SCN10A: variants seen among roughly 807,000 people sequenced by gnomAD.
SCN10A encodes the protein sodium voltage-gated channel alpha subunit 10.
Under a neutral mutation model 170.7 loss-of-function variants are expected in SCN10A, and 162 were observed. That is an observed-to-expected ratio of 0.95 (90% confidence interval 0.84 to 1.08). The LOEUF (loss-of-function observed/expected upper bound fraction) is 1.08. Ranked by LOEUF, SCN10A falls within the 50% of genes least tolerant of loss-of-function variation. The probability of loss-of-function intolerance (pLI) is 0.00; values close to 1 mark genes in which losing one functional copy is unlikely to be tolerated. For missense variants in SCN10A, 2,527 were observed against 2,436.9 expected, an observed-to-expected ratio of 1.04 and a Z score of -0.78; for synonymous variants, 985 against 904.6, an observed-to-expected ratio of 1.09 and a Z score of -1.59.
intron 23 of SCN10A, 98 bp downstream of exon 23, chr3:38,712,063 C>T: frequency 8.1e-7 from 1 of 1,241,506 alleles, no homozygotes. Context: ...AGTGCTACTC[C>T]TTGCAAAGTC....
At chr3:38,761,095 T>A in intron 7 of SCN10A, 97 bp downstream of exon 7, 1 of 1,003,258 alleles carries the variant, frequency 1.0e-6, no homozygotes. Context: ...TCAAAATATA[T>A]GTCTATACAC....
rs770210577 is a variant in SCN10A, at chr3:38,697,803, G to A, written c.5417C>T (p.Ala1806Val). Reference protein sequence around the residue: ...DKIHCLDILFAFTKNVLGESG... With the variant: ...DKIHCLDILFVFTKNVLGESG... ...TTCTCCTAGGACATTCTTGGTGAAA[G>A]CAAAAAGGATGTCCAAGCAGTGGAT... The change falls in exon 28 of 28, where the codon GCT (alanine) becomes GTT (valine). Residue 1806 changes from alanine to valine, a missense_variant. Ala to Val is a moderately conservative substitution (Grantham distance 64, BLOSUM62 0). Transcript: ENST00000449082. 8.1e-6 allele frequency: 13 copies of A among 1,614,022 alleles called. No individual in the cohort carries two copies. The highest frequency in any genetic ancestry group is 1.0e-5 in the Non-Finnish European group (12 of 1,180,030).
chr3:38,796,645 C>A (rs2064343174), intron 1 of SCN10A, among the ~76,000 whole-genome samples: 3 of 152,156 alleles, frequency 2.0e-5, no homozygotes, highest in Middle Eastern at 3.4e-3. Flanking sequence ...TTCCATATTC[C>A]CCTTCCTTTG....
At chr3:38,724,265 T>G (rs551724326) in intron 18 of SCN10A, among the ~76,000 whole-genome samples, 1 of 152,166 alleles carries the variant, frequency 6.6e-6, no homozygotes, top group African/African-American at 2.4e-5. Flanking sequence ...GTAGCTGACA[T>G]TCTTCAAGCT....
In SCN10A at chr3:38,698,512, T is replaced by C. The variant is rs1488286758; in HGVS notation, c.4708A>G (p.Thr1570Ala). 1.7e-5 allele frequency: 28 copies of C among 1,614,046 alleles called. No homozygotes were observed. Among genetic ancestry groups the C allele is most frequent in the East Asian group, 2.2e-5 (1 of 44,876 alleles). ...LKSLQSYFSP[T>A]LFRVIRLARI... ...GCCAGGCGGATGACTCTGAAGAGCG[T>C]TGGGGAGAAGTAACTTTGAAGTGAC... The change falls in exon 28 of 28, where the codon ACG becomes GCG. Residue 1570 changes from threonine to alanine, a missense_variant. By Grantham distance (58) the Thr-to-Ala change is moderately conservative. Transcript: ENST00000449082.
intron 15 of SCN10A, among the ~76,000 whole-genome samples, chr3:38,737,810 T>TTCTTTC (rs1553618393): frequency 8.3e-6 from 1 of 120,026 alleles, no homozygotes; most frequent in Non-Finnish European, 1.6e-5. Flanking sequence ...CTTTCTTTCT[T>TTCTTTC]TCTTTCTTTC....
chr3:38,790,437 A>C (rs2064266223), intron 3 of SCN10A, among the ~76,000 whole-genome samples: 1 of 151,904 alleles, frequency 6.6e-6, no homozygotes, highest in Non-Finnish European at 1.5e-5. Flanking sequence ...CAAGATGAAG[A>C]GAATATTCAC....
At chr3:38,754,474 G>A (rs927548247) in intron 11 of SCN10A, among the ~76,000 whole-genome samples, 6 of 152,190 alleles carry the variant, frequency 3.9e-5, no homozygotes, top group Non-Finnish European at 1.5e-5. Flanking sequence ...AAGCATCACT[G>A]GAGAGACAAG....
intron 15 of SCN10A, among the ~76,000 whole-genome samples, chr3:38,734,889 G>A (rs1179847318): frequency 1.3e-5 from 2 of 152,144 alleles, no homozygotes; most frequent in African/African-American, 4.8e-5. Flanking sequence ...AAGAAATTAG[G>A]CTGGGCGTGG....
intron 1 of SCN10A, among the ~76,000 whole-genome samples, chr3:38,812,208 T>C (rs543879390): frequency 1.3e-5 from 2 of 152,368 alleles, no homozygotes; most frequent in South Asian, 4.1e-4. Context: ...TTGCTTTCTA[T>C]ATTTTGGGCA....
chr3:38,712,030 G>C (rs968465732), intron 23 of SCN10A, 131 bp downstream of exon 23: 5 of 838,114 alleles, frequency 6.0e-6, no homozygotes, highest in Non-Finnish European at 9.5e-6. Flanking sequence ...TGTAGGAATA[G>C]AGAATGACCT....
chr3:38,797,592 A>C (rs151238497), intron 1 of SCN10A, among the ~76,000 whole-genome samples: 3 of 152,228 alleles, frequency 2.0e-5, no homozygotes, highest in Non-Finnish European at 4.4e-5. Flanking sequence ...GACCATTCAA[A>C]CACTGTTGAC....
chr3:38,713,248 A>T (rs535344588), intron 22 of SCN10A, among the ~76,000 whole-genome samples: 1 of 152,262 alleles, frequency 6.6e-6, no homozygotes, highest in South Asian at 2.1e-4. Context: ...TGATTGCATT[A>T]AGTAGGAGAG....
rs967347660 is a variant in SCN10A, at chr3:38,727,034, C to A, written c.2659G>T (p.Ala887Ser). Residue 887 changes from alanine (A) to serine (S), a missense_variant, in exon 17 of 28, where the codon GCC becomes TCC. Coordinates refer to ENST00000449082, the MANE Select transcript of SCN10A (RefSeq NM_006514.4). The stretch of plus-strand genomic sequence containing the variant: ...GCACTGAAAGAGTTCAATAGCAGGG[C>A]GATGAACAGGTTAAGCACCTGAAGA... The part of the protein sequence containing the change: ...GNLVVLNLFI[A>S]LLLNSFSADN... 5.0e-6 allele frequency: 8 copies of A among 1,610,958 alleles called. No homozygotes were observed. The highest frequency in any genetic ancestry group is 6.8e-6 in the Non-Finnish European group (8 of 1,177,482).
At position 38,739,379 on chromosome 3, in the gene SCN10A, G is replaced by T. The variant is rs575769280; in HGVS notation, c.2280+136C>A. ...GGGCCACAGACCCAAGTCTCCAGTC[G>T]CCCAGGAGTCAGACCCTGCTCCCTC... On this transcript the variant is annotated intron_variant, in intron 15 of 27. Transcript: ENST00000449082. The T allele has an allele frequency of 7.8e-5, 55 of 702,896 alleles. No homozygotes were observed. In the African/African-American group the frequency reaches 8.5e-4, roughly 11 times the overall value. 43.5% of individuals were successfully genotyped at this position (702,896 alleles called of 1,614,324 possible).
At chr3:38,716,918 C>T (rs1319085519) in intron 21 of SCN10A, among the ~76,000 whole-genome samples, 3 of 151,830 alleles carry the variant, frequency 2.0e-5, no homozygotes, top group Admixed American at 2.0e-4. Context: ...GATGAATGAA[C>T]AGATAAGTGG....
chr3:38,751,199 G>A (rs183001463), intron 12 of SCN10A, among the ~76,000 whole-genome samples: 81 of 152,330 alleles, frequency 5.3e-4, no homozygotes, highest in African/African-American at 1.7e-3. Context: ...AAGATCACAA[G>A]TTCTGCCAGG....
intron 6 of SCN10A, 150 bp from the exon 7 acceptor site, chr3:38,761,533 G>A (rs1271719772): frequency 3.8e-6 from 2 of 528,236 alleles, no homozygotes; most frequent in Non-Finnish European, 3.2e-6. Flanking sequence ...CTCATCCGAA[G>A]CTTGCATTTA....
At chr3:38,795,881 A>G (rs2064338643) in intron 1 of SCN10A, among the ~76,000 whole-genome samples, 1 of 152,204 alleles carries the variant, frequency 6.6e-6, no homozygotes, top group Non-Finnish European at 1.5e-5. Flanking sequence ...TCTCTAATAT[A>G]TAAATAAGAT....
Sources: gnomAD v4.1 joint callset for allele counts (sites outside exome capture counted in the v4.1 genomes callset) on GRCh38, gnomAD v4.1.1 for gene constraint, MANE v1.5 for transcripts, NCBI Gene and HGNC (gene_info 2026-07-23, HGNC 2026-07-21) for gene names.